Variants in BRI3BP observed in about 807,000 individuals in gnomAD.
The protein encoded by BRI3BP is BRI3-binding protein.
BRI3BP carries 7 observed loss-of-function variants against 15.8 expected under a neutral mutation model. The observed-to-expected ratio is 0.44, with a 90% confidence interval of 0.25 to 0.83. The LOEUF is 0.83. Among genes scored for constraint, BRI3BP ranks in the 40% least tolerant of loss-of-function variants. The pLI is 0.20. For synonymous variants in BRI3BP, 192 were observed against 163.5 expected (o/e 1.17, Z -1.33); for missense variants, 320 against 339.3 (o/e 0.94, Z 0.45).
chr12:125,008,567 C>T (rs1955169667), intron 1 of BRI3BP, among the ~76,000 whole-genome samples: 1 of 152,008 alleles, frequency 6.6e-6, no homozygotes, highest in Non-Finnish European at 1.5e-5. Context: ...CCGCCTCGGC[C>T]TCCCAAGTGC....
In BRI3BP at chr12:125,025,656, A is replaced by G. The variant is rs534736131; in HGVS notation, c.*226A>G. ...ACACACGAAGTGTAATTAGTGGGGG[A>G]AAAAATATTTTTTAAACAAAGGATA... is the stretch of plus-strand genomic sequence containing the variant. On this transcript the variant is annotated 3_prime_UTR_variant, in exon 3 of 3. Transcript: ENST00000341446. 99 of 519,588 alleles carry G rather than the reference A, an allele frequency of 1.9e-4. No homozygotes were observed. Among genetic ancestry groups the G allele is most frequent in the African/African-American group, 1.6e-3 (83 of 52,758 alleles). 32.2% of individuals were successfully genotyped at this position (519,588 alleles called of 1,614,324 possible). A position where few individuals can be genotyped will look rare whatever the true frequency, so the allele number is the denominator to read the frequency against.
intron 1 of BRI3BP, among the ~76,000 whole-genome samples, chr12:125,001,889 CT>C (rs1955094945): frequency 6.6e-6 from 1 of 152,166 alleles, no homozygotes; most frequent in African/African-American, 2.4e-5. Flanking sequence ...GCAGTCACTA[CT>C]TTTTTCCTTT....
At chr12:125,024,747 C>T (rs1955333730) in intron 2 of BRI3BP, among the ~76,000 whole-genome samples, 2 of 151,558 alleles carry the variant, frequency 1.3e-5, no homozygotes, top group African/African-American at 2.4e-5. Flanking sequence ...TGTGGTGAGC[C>T]GAGATCACAC....
At chr12:125,023,862 C>T (rs192960649) in intron 2 of BRI3BP, among the ~76,000 whole-genome samples, 94 of 152,186 alleles carry the variant, frequency 6.2e-4, no homozygotes, top group African/African-American at 1.8e-3. Flanking sequence ...CTTGAGGACA[C>T]TAGTTCAAGA....
Position 125,024,258 on chromosome 12 carries a change from A to ACC in BRI3BP, c.317-724_317-723dup, listed in dbSNP as rs67780786. ...CACTTAAACCATCAGATCTCATGAA[A>ACC]CCCCCCCCCCTCCACTGTCACAAGA... On this transcript the variant is annotated intron_variant, in intron 2 of 2. Coordinates refer to ENST00000341446, the MANE Select transcript of BRI3BP (RefSeq NM_080626.6). 8.1e-4 allele frequency among the ~76,000 whole-genome samples: 109 copies of ACC among 134,996 alleles called. 1 individual carries two copies. The East Asian group carries it at 0.021, about 26-fold the overall frequency. 88.6% of individuals were successfully genotyped at this position (134,996 alleles called of 152,430 possible). A position where few individuals can be genotyped will look rare whatever the true frequency, so the allele number is the denominator to read the frequency against.
chr12:125,040,124 T>C, the BRI3BP span, among the ~76,000 whole-genome samples: 168 of 151,972 alleles, frequency 1.1e-3, no homozygotes, highest in African/African-American at 3.8e-3. Context: ...TAGCTGGGTG[T>C]GGTGGCGCAC....
At chr12:124,997,176 C>T (rs1360127513) in intron 1 of BRI3BP, among the ~76,000 whole-genome samples, 2 of 125,760 alleles carry the variant, frequency 1.6e-5, no homozygotes, top group Non-Finnish European at 3.4e-5. Context: ...GACCCTGAGC[C>T]AGTTGCTTTA....
At chr12:125,012,490 A>G in intron 1 of BRI3BP, 44 bp from the exon 2 acceptor site, 1 of 1,477,422 alleles carries the variant, frequency 6.8e-7, no homozygotes, top group Non-Finnish European at 9.5e-7. Flanking sequence ...TGACTGATGG[A>G]GGAAAACAGT....
intron 1 of BRI3BP, among the ~76,000 whole-genome samples, chr12:125,000,016 C>CT (rs66571863): frequency 0.04 from 1,647 of 40,746 alleles, 96 homozygotes; most frequent in Admixed American, 0.061. Flanking sequence ...TTTGGTTTTT[C>CT]TTTTTTTTTT....
chr12:124,995,580 G>A (rs1043857133), intron 1 of BRI3BP, among the ~76,000 whole-genome samples: 2 of 152,124 alleles, frequency 1.3e-5, no homozygotes, highest in African/African-American at 4.8e-5. Context: ...CGAATCTGGG[G>A]GTCAGAGCTC....
At chr12:125,011,645 G>A (rs1198819611) in intron 1 of BRI3BP, among the ~76,000 whole-genome samples, 2 of 152,204 alleles carry the variant, frequency 1.3e-5, no homozygotes, top group African/African-American at 4.8e-5. Context: ...CAGGAAATGA[G>A]AGGGAAGGCT....
the BRI3BP span, among the ~76,000 whole-genome samples, chr12:125,038,255 C>T: frequency 8.6e-6 from 1 of 116,612 alleles, no homozygotes; most frequent in Non-Finnish European, 1.8e-5. Flanking sequence ...CCAGCCATCT[C>T]AAAAAAAAAA....
intron 1 of BRI3BP, among the ~76,000 whole-genome samples, chr12:125,001,307 C>T (rs112810653): frequency 5.3e-5 from 8 of 152,144 alleles, no homozygotes; most frequent in South Asian, 2.1e-4. Context: ...CTGCCCGGCT[C>T]GGCCTCCCAA....
the BRI3BP span, among the ~76,000 whole-genome samples, chr12:125,039,309 G>GT: frequency 1.4e-3 from 218 of 152,034 alleles, no homozygotes; most frequent in African/African-American, 4.9e-3. Context: ...TCTTTTAATA[G>GT]TTTTTTTTCA....
chr12:124,999,971 A>G (rs1305633112), intron 1 of BRI3BP, among the ~76,000 whole-genome samples: 1 of 120,354 alleles, frequency 8.3e-6, no homozygotes, highest in Non-Finnish European at 1.7e-5. Context: ...CTTTTCATTT[A>G]TTCAGAATCC....
At chr12:125,000,308 A>ATTTTT (rs35803183) in intron 1 of BRI3BP, among the ~76,000 whole-genome samples, 5 of 92,058 alleles carry the variant, frequency 5.4e-5, no homozygotes, top group African/African-American at 8.6e-5. Context: ...GTTTCATATG[A>ATTTTT]TTTTTTTTTT....
Position 125,029,816 on chromosome 12 carries a change from G to T in BRI3BP, c.*4386G>T, listed in dbSNP as rs1304758015. On this transcript the variant is annotated 3_prime_UTR_variant, in exon 3 of 3. Transcript: ENST00000341446. ...GCCTGTCTCATGCAGGAGTCGGGAG[G>T]CAGCGATGTCAGGGAACTGGGACTA... The T allele has an allele frequency of 6.6e-6, 1 of 152,366 alleles. No individual in the cohort carries two copies. The highest frequency in any genetic ancestry group is 2.4e-5 in the African/African-American group (1 of 41,442). 9.4% of individuals were successfully genotyped at this position (152,366 alleles called of 1,614,324 possible).
chr12:125,002,104 C>T (rs150928192), intron 1 of BRI3BP, among the ~76,000 whole-genome samples: 58 of 152,276 alleles, frequency 3.8e-4, no homozygotes, highest in African/African-American at 1.4e-3. Context: ...TTTACCTGAT[C>T]ATCAACTGAT....
the BRI3BP span, among the ~76,000 whole-genome samples, chr12:125,040,993 A>C: frequency 2.0e-5 from 3 of 151,422 alleles, no homozygotes; most frequent in Admixed American, 6.6e-5. Flanking sequence ...AGCCTCCCAA[A>C]GTGCTGGGAT....
Sources: allele counts gnomAD v4.1 joint callset (sites outside exome capture counted in the v4.1 genomes callset), GRCh38; gene constraint gnomAD v4.1.1; transcripts MANE v1.5; gene names NCBI Gene and HGNC (gene_info 2026-07-23, HGNC 2026-07-21).